ESCO2: variants seen among roughly 807,000 people sequenced by gnomAD.
ESCO2 encodes the protein establishment of sister chromatid cohesion N-acetyltransferase 2, also known as N-acetyltransferase ESCO2.
ESCO2 carries 51 observed loss-of-function variants against 61.7 expected under a neutral mutation model. The ratio of observed to expected loss-of-function variants is 0.83; its 90% CI spans 0.66 to 1.04. ESCO2 has a LOEUF of 1.04. Among genes scored for constraint, ESCO2 ranks in the 50% least tolerant of loss-of-function variants. The pLI, the probability that ESCO2 is intolerant of heterozygous loss-of-function variation, is 0.00. For synonymous variants in ESCO2, 230 were observed against 238.2 expected, an observed-to-expected ratio of 0.97 and a Z score of 0.32; for missense variants, 692 against 686.2, an observed-to-expected ratio of 1.01 and a Z score of -0.09.
downstream of ESCO2, among the ~76,000 whole-genome samples, chr8:27,815,988 CAA>C (rs563062067): frequency 6.6e-6 from 1 of 152,136 alleles, no homozygotes; most frequent in Non-Finnish European, 1.5e-5. Context: ...TTACTACATT[CAA>C]AGAGTTTAAG....
downstream of ESCO2, chr8:27,810,626 A>G: frequency 1.6e-6 from 1 of 624,512 alleles, no homozygotes; most frequent in South Asian, 2.0e-5. Flanking sequence ...TGCCACAGAC[A>G]GAATGGAAAT....
At chr8:27,776,000 G>T (rs1804780951) in intron 2 of ESCO2, among the ~76,000 whole-genome samples, 1 of 152,176 alleles carries the variant, frequency 6.6e-6, no homozygotes, top group African/African-American at 2.4e-5. Flanking sequence ...GCCCCAGGGG[G>T]TCAGTTCATT....
chr8:27,805,453 T>G (rs1805546571), downstream of ESCO2: 1 of 152,246 alleles, frequency 6.6e-6, no homozygotes, highest in Non-Finnish European at 1.5e-5. Flanking sequence ...CTATTTCTAT[T>G]TTAAATATTT....
intron 3 of ESCO2, 87 bp from the exon 4 acceptor site, chr8:27,780,087 T>C (rs1465814425): frequency 1.4e-5 from 11 of 797,174 alleles, no homozygotes; most frequent in Non-Finnish European, 2.4e-5. Flanking sequence ...AAATCTTTTG[T>C]TTTAGAAATA....
chr8:27,776,297 G>A, intron 2 of ESCO2, 65 bp from the exon 3 acceptor site: 1 of 1,334,228 alleles, frequency 7.5e-7, no homozygotes. Context: ...AGCTTACTTA[G>A]CAGTAGATTT....
chr8:27,806,900 G>T (rs1234887878), downstream of ESCO2, among the ~76,000 whole-genome samples: 1 of 152,174 alleles, frequency 6.6e-6, no homozygotes, highest in Non-Finnish European at 1.5e-5. Flanking sequence ...ATAGGCATGA[G>T]CCAGTATGCC....
intron 5 of ESCO2, among the ~76,000 whole-genome samples, chr8:27,785,748 A>G (rs1238396188): frequency 6.6e-6 from 1 of 151,994 alleles, no homozygotes; most frequent in Non-Finnish European, 1.5e-5. Context: ...ATAATATGAT[A>G]TTGCTCTTTT....
rs1376329765 is a variant in ESCO2, at chr8:27,804,361, T to A, written c.*923T>A. ...TCATTAACAAAATGCCTAGTTGGAT[T>A]AGATGTTTTCATTTTCTAATTTTTT... On this transcript the variant is annotated 3_prime_UTR_variant, in exon 11 of 11. Coordinates refer to ENST00000305188, the MANE Select transcript of ESCO2 (RefSeq NM_001017420.3). The A allele has an allele frequency of 1.0e-6, 1 of 985,352 alleles. No individual in the cohort carries two copies. The highest frequency in any genetic ancestry group is 1.7e-5 in the African/African-American group (1 of 57,240). 61.0% of individuals were successfully genotyped at this position (985,352 alleles called of 1,614,324 possible).
downstream of ESCO2, among the ~76,000 whole-genome samples, chr8:27,813,675 T>G (rs369930551): frequency 2.7e-3 from 392 of 146,326 alleles, 2 homozygotes; most frequent in African/African-American, 9.8e-3. Context: ...AAATCTCAAG[T>G]GTACAGTATT....
chr8:27,806,712 C>T (rs969260541), downstream of ESCO2, among the ~76,000 whole-genome samples: 5 of 151,976 alleles, frequency 3.3e-5, no homozygotes, highest in East Asian at 3.9e-4. Context: ...CTCCACCTCC[C>T]GGGTTCAAGC....
intron 9 of ESCO2, among the ~76,000 whole-genome samples, chr8:27,794,177 G>A (rs957154119): frequency 1.3e-5 from 2 of 152,198 alleles, no homozygotes; most frequent in Non-Finnish European, 2.9e-5. Context: ...TCTTGGCTAT[G>A]AATAATGCTG....
At chr8:27,785,545 C>T (rs28734488) in intron 5 of ESCO2, among the ~76,000 whole-genome samples, 21,152 of 151,798 alleles carry the variant, frequency 0.14, 1,756 homozygotes, top group East Asian at 0.34. Flanking sequence ...CCAAAAAATA[C>T]AGAAATTAGT....
At position 27,791,965 on chromosome 8, in the gene ESCO2, T is replaced by A; in HGVS notation, c.1266T>A (p.Gly422=). Residue 422 remains glycine, a splice_region_variant and synonymous_variant, in exon 8 of 11, where the codon GGT becomes GGA. Transcript: ENST00000305188. ...ACCCTTTTGTTTTCCTTTGGCAGGG[T>A]TGGAAGAAAGAACGTGTAGTAGCAG... ...HRFLEGIKYV[G]WKKERVVAEF... The A allele has an allele frequency of 6.2e-7, 1 of 1,613,990 alleles. No homozygotes were observed.
At chr8:27,774,908 A>G (rs1246546170) in intron 1 of ESCO2, 1 of 153,882 alleles carries the variant, frequency 6.5e-6, no homozygotes, top group African/African-American at 2.4e-5. Context: ...TTAGCCCCAG[A>G]GGGGTCCCCC....
At chr8:27,772,606 A>G, upstream of ESCO2, 1 of 1,502,040 alleles carries the variant, frequency 6.7e-7, no homozygotes, top group Non-Finnish European at 9.0e-7. Context: ...AGCTCAGGAT[A>G]CCAGACTCGC....
chr8:27,782,505 C>G (rs185728368), intron 4 of ESCO2, among the ~76,000 whole-genome samples: 43 of 152,230 alleles, frequency 2.8e-4, no homozygotes, highest in Middle Eastern at 3.4e-3. Context: ...CTCAGATGAT[C>G]CACCCGCCTT....
intron 6 of ESCO2, among the ~76,000 whole-genome samples, chr8:27,788,539 C>CA (rs1805101328): frequency 6.8e-6 from 1 of 147,494 alleles, no homozygotes; most frequent in Admixed American, 6.8e-5. Flanking sequence ...TTTCCCCCCC[C>CA]AAAGAGATGG....
intron 10 of ESCO2, among the ~76,000 whole-genome samples, chr8:27,802,402 C>G (rs1444655206): frequency 6.7e-6 from 1 of 149,674 alleles, no homozygotes; most frequent in African/African-American, 2.4e-5. Flanking sequence ...TCAAGACAAT[C>G]CTGGCCAACA....
chr8:27,810,188 G>T, downstream of ESCO2: 1 of 688,380 alleles, frequency 1.5e-6, no homozygotes, highest in South Asian at 1.7e-5. Context: ...ATGTTAACAA[G>T]AAACTATGGT....
Sources: gnomAD v4.1 joint callset for allele counts (sites outside exome capture counted in the v4.1 genomes callset) on GRCh38, gnomAD v4.1.1 for gene constraint, MANE v1.5 for transcripts, NCBI Gene and HGNC (gene_info 2026-07-23, HGNC 2026-07-21) for gene names.